DPP10: variants seen among roughly 807,000 people sequenced by gnomAD.
DPP10 encodes dipeptidyl peptidase like 10.
In DPP10, 33 loss-of-function variants were observed where a neutral mutation model predicts 120.9. The ratio of observed to expected loss-of-function variants is 0.27; its 90% CI spans 0.21 to 0.37. The LOEUF (loss-of-function observed/expected upper bound fraction) is 0.37, where lower values mean the gene tolerates loss of function less well. Ranked by LOEUF, DPP10 falls within the 10% of genes least tolerant of loss-of-function variation. The probability of loss-of-function intolerance (pLI) is 1.00; values close to 1 mark genes in which losing one functional copy is unlikely to be tolerated. For synonymous variants in DPP10, 337 were observed against 326.1 expected (o/e 1.03, Z -0.36); for missense variants, 816 against 942.8 (o/e 0.87, Z 1.76).
At chr2:115,367,760 CATTT>C (rs1386862898) in intron 3 of DPP10, among the ~76,000 whole-genome samples, 8 of 151,982 alleles carry the variant, frequency 5.3e-5, no homozygotes, top group Middle Eastern at 3.4e-3. Context: ...GTATGACTGA[CATTT>C]ATTTATTTGA....
chr2:114,514,768 T>TG (rs201270320), intron 1 of DPP10, among the ~76,000 whole-genome samples: 32 of 145,048 alleles, frequency 2.2e-4, no homozygotes, highest in African/African-American at 8.2e-4. Flanking sequence ...CTTTTTTTTC[T>TG]GGTTTTTTTT....
intron 1 of DPP10, among the ~76,000 whole-genome samples, chr2:114,535,671 C>G (rs925801722): frequency 7.9e-5 from 12 of 152,140 alleles, no homozygotes; most frequent in African/African-American, 2.7e-4. Flanking sequence ...TGTATTTTCC[C>G]TGCTGCAAAT....
chr2:114,704,443 C>T (rs1283493639), intron 1 of DPP10, among the ~76,000 whole-genome samples: 3 of 152,192 alleles, frequency 2.0e-5, no homozygotes, highest in South Asian at 2.1e-4. Flanking sequence ...TATTCTGCTA[C>T]AGCCAGTAGG....
At chr2:114,568,234 T>A (rs144781812) in intron 1 of DPP10, among the ~76,000 whole-genome samples, 1 of 152,120 alleles carries the variant, frequency 6.6e-6, no homozygotes, top group Non-Finnish European at 1.5e-5. Context: ...ATGCATAGAA[T>A]GTATGATGAT....
intron 1 of DPP10, among the ~76,000 whole-genome samples, chr2:115,014,446 A>G (rs1266575967): frequency 1.3e-5 from 2 of 152,140 alleles, no homozygotes; most frequent in African/African-American, 2.4e-5. Context: ...TAGAGAGACA[A>G]GAGCAAACAA....
intron 1 of DPP10, among the ~76,000 whole-genome samples, chr2:115,196,753 A>G (rs937510088): frequency 1.3e-5 from 2 of 152,124 alleles, no homozygotes; most frequent in African/African-American, 2.4e-5. Flanking sequence ...AATCCTTTGG[A>G]GCTGTCAGCC....
intron 4 of DPP10, among the ~76,000 whole-genome samples, chr2:115,501,001 G>A (rs1558763919): frequency 6.6e-6 from 1 of 151,950 alleles, no homozygotes; most frequent in Non-Finnish European, 1.5e-5. Context: ...TGATGAGAAG[G>A]TATGATGATA....
At chr2:115,777,393 G>C in intron 14 of DPP10, 94 bp downstream of exon 14, 1 of 1,083,444 alleles carries the variant, frequency 9.2e-7, no homozygotes, top group Non-Finnish European at 1.4e-6. Context: ...CATAGTCCTA[G>C]TCAAAACAAG....
At chr2:115,182,176 C>T (rs146724629) in intron 1 of DPP10, among the ~76,000 whole-genome samples, 8 of 152,158 alleles carry the variant, frequency 5.3e-5, no homozygotes, top group Admixed American at 2.0e-4. Context: ...ATAATCTTTT[C>T]GCTTCAGGGA....
chr2:114,882,692 T>C (rs1011985797), intron 1 of DPP10, among the ~76,000 whole-genome samples: 3 of 152,132 alleles, frequency 2.0e-5, no homozygotes, highest in Middle Eastern at 3.4e-3. Flanking sequence ...TAAAAAAATA[T>C]GAATGCAGGC....
chr2:114,982,639 C>T (rs1271065033), intron 1 of DPP10, among the ~76,000 whole-genome samples: 1 of 151,338 alleles, frequency 6.6e-6, no homozygotes, highest in Non-Finnish European at 1.5e-5. Context: ...GTCACTCTGT[C>T]ACCCAGGCTG....
intron 1 of DPP10, among the ~76,000 whole-genome samples, chr2:115,013,544 T>C (rs903406960): frequency 6.6e-6 from 1 of 151,970 alleles, no homozygotes; most frequent in African/African-American, 2.4e-5. Context: ...TTGGCCTGTC[T>C]TGCTAAGAGT....
chr2:114,503,969 C>T (rs1683418560), intron 1 of DPP10, among the ~76,000 whole-genome samples: 1 of 152,154 alleles, frequency 6.6e-6, no homozygotes, highest in African/African-American at 2.4e-5. Context: ...TAGTAAAGAG[C>T]TTACCTTGAT....
chr2:114,554,596 C>G (rs2104896047), intron 1 of DPP10, among the ~76,000 whole-genome samples: 1 of 152,310 alleles, frequency 6.6e-6, no homozygotes, highest in African/African-American at 2.4e-5. Context: ...CCCTACACCC[C>G]TCAACTTTGT....
chr2:115,456,016 C>T (rs1326790042), intron 3 of DPP10, among the ~76,000 whole-genome samples: 1 of 152,098 alleles, frequency 6.6e-6, no homozygotes, highest in African/African-American at 2.4e-5. Context: ...AAACTACCAT[C>T]AGAGTGAACA....
intron 1 of DPP10, among the ~76,000 whole-genome samples, chr2:115,071,291 G>A (rs748131101): frequency 7.3e-5 from 11 of 151,156 alleles, no homozygotes; most frequent in South Asian, 2.1e-4. Flanking sequence ...CCTCCTCCAC[G>A]TCCCATGCAG....
chr2:114,738,773 G>A (rs1453030957), intron 1 of DPP10, among the ~76,000 whole-genome samples: 3 of 152,184 alleles, frequency 2.0e-5, no homozygotes, highest in Non-Finnish European at 4.4e-5. Flanking sequence ...CTCTGCCCAA[G>A]AGCCATATAC....
intron 1 of DPP10, chr2:115,162,351 G>A (rs2052467803): frequency 7.1e-7 from 1 of 1,409,014 alleles, no homozygotes; most frequent in Non-Finnish European, 9.3e-7. Context: ...CCAAGGAATG[G>A]GGCCTCTTGG....
At chr2:114,855,203 C>CA (rs1197808201) in intron 1 of DPP10, among the ~76,000 whole-genome samples, 5 of 152,152 alleles carry the variant, frequency 3.3e-5, no homozygotes, top group African/African-American at 1.2e-4. Flanking sequence ...TGTAATAATA[C>CA]ATATCTCAAT....
Sources: allele counts gnomAD v4.1 joint callset (sites outside exome capture counted in the v4.1 genomes callset), GRCh38; gene constraint gnomAD v4.1.1; transcripts MANE v1.5; gene names NCBI Gene and HGNC (gene_info 2026-07-23, HGNC 2026-07-21).